The following SH3D19 variants were observed in gnomAD, a reference collection of about 807,000 sequenced individuals.
SH3D19 encodes the protein SH3 domain-containing protein 19.
A neutral mutation model predicts 112.1 loss-of-function variants in SH3D19; 58 were observed. The observed-to-expected ratio is 0.52, with a 90% confidence interval of 0.42 to 0.64. The LOEUF (loss-of-function observed/expected upper bound fraction) is 0.64. Among genes scored for constraint, SH3D19 ranks in the 30% least tolerant of loss-of-function variants. The probability of loss-of-function intolerance (pLI) is 0.00; values close to 1 mark genes in which losing one functional copy is unlikely to be tolerated. For synonymous variants in SH3D19, 391 were observed against 448.5 expected, an observed-to-expected ratio of 0.87 and a Z score of 1.62; for missense variants, 1,090 against 1,263.4, an observed-to-expected ratio of 0.86 and a Z score of 2.08.
chr4:151,150,913 C>A (rs987681986), intron 9 of SH3D19, among the ~76,000 whole-genome samples: 1 of 151,202 alleles, frequency 6.6e-6, no homozygotes, highest in East Asian at 1.9e-4. Context: ...GATCTCAAAG[C>A]CAAAATTTCT....
At position 151,142,825 on chromosome 4, in the gene SH3D19, A is replaced by G. The variant is rs552983126; in HGVS notation, c.2223+1085T>C. On this transcript the variant is annotated intron_variant, in intron 12 of 19. Coordinates refer to ENST00000604030, the MANE Select transcript of SH3D19 (RefSeq NM_001378122.1). ...CAATAGCCATGAACCCAGAAGCATA[A>G]AGGAGGATTCATTTCATTATCACCA... 4.6e-5 allele frequency among the ~76,000 whole-genome samples: 7 copies of G among 152,356 alleles called. No homozygotes were observed. The South Asian group carries it at 1.5e-3, about 32-fold the overall frequency.
At chr4:151,147,633 T>C (rs1754160216) in intron 11 of SH3D19, among the ~76,000 whole-genome samples, 1 of 152,296 alleles carries the variant, frequency 6.6e-6, no homozygotes, top group East Asian at 1.9e-4. Context: ...GGGTAATTTT[T>C]TGTAATTTTA....
At chr4:151,226,689 A>G (rs1158137220) in intron 1 of SH3D19, 1 of 155,970 alleles carries the variant, frequency 6.4e-6, no homozygotes, top group Admixed American at 6.5e-5. Flanking sequence ...ATGGGTAGAA[A>G]GCAGGAATGT....
intron 3 of SH3D19, among the ~76,000 whole-genome samples, chr4:151,187,030 G>A (rs1187101800): frequency 6.6e-6 from 1 of 151,660 alleles, no homozygotes; most frequent in Non-Finnish European, 1.5e-5. Flanking sequence ...TCCTGACCTC[G>A]TGATCCGCCT....
intron 2 of SH3D19, among the ~76,000 whole-genome samples, chr4:151,206,078 G>A (rs1765063581): frequency 6.6e-6 from 1 of 152,176 alleles, no homozygotes; most frequent in Non-Finnish European, 1.5e-5. Context: ...CTTAAGAACT[G>A]TCTTCTTTCA....
At chr4:151,133,969 G>C (rs1751292964) in intron 15 of SH3D19, among the ~76,000 whole-genome samples, 1 of 152,150 alleles carries the variant, frequency 6.6e-6, no homozygotes, top group African/African-American at 2.4e-5. Flanking sequence ...GGTTTAGAAA[G>C]GAAGTTTCAA....
intron 2 of SH3D19, among the ~76,000 whole-genome samples, chr4:151,189,451 G>A (rs1382576107): frequency 6.6e-6 from 1 of 152,080 alleles, no homozygotes; most frequent in African/African-American, 2.4e-5. Context: ...GATATGGTTT[G>A]GCTGTGTCCC....
intron 1 of SH3D19, among the ~76,000 whole-genome samples, chr4:151,265,574 T>TTTTC (rs1428092355): frequency 1.1e-4 from 9 of 82,530 alleles, no homozygotes; most frequent in Admixed American, 6.9e-4. Flanking sequence ...CTTTTCTTTT[T>TTTTC]TTTTTTTTTT....
chr4:151,291,896 C>T (rs1433086872), intron 1 of SH3D19, among the ~76,000 whole-genome samples: 1 of 152,140 alleles, frequency 6.6e-6, no homozygotes, highest in Non-Finnish European at 1.5e-5. Context: ...TCCCTTTACT[C>T]CTCAACTGTA....
chr4:151,199,997 T>C (rs1185834292), intron 2 of SH3D19, among the ~76,000 whole-genome samples: 4 of 152,056 alleles, frequency 2.6e-5, no homozygotes, highest in Non-Finnish European at 5.9e-5. Context: ...AATGTTCTCA[T>C]AAAAGAGGCC....
chr4:151,197,974 C>T (rs897559987), intron 2 of SH3D19, among the ~76,000 whole-genome samples: 1 of 151,958 alleles, frequency 6.6e-6, no homozygotes, highest in Non-Finnish European at 1.5e-5. Context: ...ATTGTTGTGA[C>T]ACTGTAAGAT....
intron 1 of SH3D19, among the ~76,000 whole-genome samples, chr4:151,273,661 A>G (rs1469929881): frequency 1.0e-4 from 15 of 149,920 alleles, no homozygotes; most frequent in Non-Finnish European, 2.1e-4. Flanking sequence ...GAGGGAAAGG[A>G]CTCTCTGGTC....
intron 2 of SH3D19, among the ~76,000 whole-genome samples, chr4:151,193,749 A>G (rs939429787): frequency 2.6e-5 from 4 of 152,340 alleles, no homozygotes; most frequent in East Asian, 1.9e-4. Flanking sequence ...CATTTACTGC[A>G]ACATATGAGC....
chr4:151,206,951 T>C (rs1272265816), intron 2 of SH3D19, among the ~76,000 whole-genome samples: 1 of 152,206 alleles, frequency 6.6e-6, no homozygotes, highest in East Asian at 1.9e-4. Context: ...AGCATGCATA[T>C]CCTACCAAGC....
chr4:151,241,609 G>C (rs1418854370), intron 1 of SH3D19, among the ~76,000 whole-genome samples: 1 of 144,228 alleles, frequency 6.9e-6, no homozygotes, highest in Non-Finnish European at 1.5e-5. Flanking sequence ...TGCCCAGGCT[G>C]GTCTTGAACT....
rs1760004280 is a variant in SH3D19, at chr4:151,176,705, A to G, written c.376-18T>C. ...GGTGGGAGCTGAAAAGTAAAGAATG[A>G]AGATTTTAGACATCTAAGGGCAATA... On this transcript the variant is annotated intron_variant, in intron 5 of 19. Coordinates refer to ENST00000604030, the MANE Select transcript of SH3D19 (RefSeq NM_001378122.1). 1.6e-6 allele frequency: 2 copies of G among 1,231,854 alleles called. No individual in the cohort carries two copies. The highest frequency in any genetic ancestry group is 3.1e-5 in the African/African-American group (2 of 64,550). 76.3% of individuals were successfully genotyped at this position (1,231,854 alleles called of 1,614,324 possible).
At position 151,174,654 on chromosome 4, in the gene SH3D19, C is replaced by T; in HGVS notation, c.1534+16G>A. ...CATGAGTTTAGATTCCCCTCCACTG[C>T]TGATTTTTCACTCACCTAGAACCAT... On this transcript the variant is annotated intron_variant, in intron 7 of 19. Coordinates refer to ENST00000604030, the MANE Select transcript of SH3D19 (RefSeq NM_001378122.1). 6.7e-7 allele frequency: 1 copy of T among 1,495,496 alleles called. No homozygotes were observed. Among genetic ancestry groups the T allele is most frequent in the Non-Finnish European group, 8.9e-7 (1 of 1,123,834 alleles). 92.6% of individuals were successfully genotyped at this position (1,495,496 alleles called of 1,614,324 possible). A position where few individuals can be genotyped will look rare whatever the true frequency, so the allele number is the denominator to read the frequency against.
intron 11 of SH3D19, among the ~76,000 whole-genome samples, chr4:151,146,785 C>T (rs948171540): frequency 4.0e-5 from 6 of 151,456 alleles, no homozygotes; most frequent in East Asian, 2.0e-4. Flanking sequence ...CCACCCGCCT[C>T]GGCCTCCCAA....
intron 2 of SH3D19, among the ~76,000 whole-genome samples, chr4:151,189,856 G>C (rs1341443617): frequency 6.6e-6 from 1 of 152,170 alleles, no homozygotes; most frequent in African/African-American, 2.4e-5. Flanking sequence ...CCAAAATGTG[G>C]AAGCGACTTT....
Sources: gnomAD v4.1 joint callset for allele counts (sites outside exome capture counted in the v4.1 genomes callset) on GRCh38, gnomAD v4.1.1 for gene constraint, MANE v1.5 for transcripts, NCBI Gene and HGNC (gene_info 2026-07-23, HGNC 2026-07-21) for gene names.